The following ANO4 variants were observed in gnomAD, a reference collection of about 807,000 sequenced individuals.
ANO4 encodes the protein anoctamin 4, also known as anoctamin-4.
A neutral mutation model predicts 141.9 loss-of-function variants in ANO4; 69 were observed. The observed-to-expected ratio is 0.49, with a 90% CI of 0.40 to 0.59. The LOEUF (loss-of-function observed/expected upper bound fraction) is 0.59, where lower values mean the gene tolerates loss of function less well. Among genes scored for constraint, ANO4 ranks in the 20% least tolerant of loss-of-function variants. ANO4 has a pLI of 0.00. For synonymous variants in ANO4, 350 were observed against 394.3 expected (o/e 0.89, Z 1.33); for missense variants, 894 against 1,162.2 (o/e 0.77, Z 3.36).
intron 3 of ANO4, among the ~76,000 whole-genome samples, chr12:100,750,821 C>G (rs1205059705): frequency 6.6e-6 from 1 of 152,166 alleles, no homozygotes; most frequent in Non-Finnish European, 1.5e-5. Flanking sequence ...AACCATGGTA[C>G]TGACTCAAGA....
rs1355546292 is a variant in ANO4, at chr12:100,819,045, A to ATG, written c.-141+24022_-141+24023dup. The stretch of plus-strand genomic sequence containing the variant: ...TATATATGTATGTGTGTATATATAT[A>ATG]TGTGTATATATATATGTATGTGTGT... On this transcript the variant is annotated intron_variant, in intron 1 of 27. Transcript: ENST00000392977. Among the ~76,000 whole-genome samples the ATG allele has an allele frequency of 7.5e-5, 11 of 146,798 alleles. No individual in the cohort carries two copies. In the East Asian group the frequency reaches 1.0e-3, roughly 13 times the overall value.
At chr12:100,838,671 TAA>T (rs940849523) in intron 1 of ANO4, among the ~76,000 whole-genome samples, 3 of 152,132 alleles carry the variant, frequency 2.0e-5, no homozygotes, top group Admixed American at 1.3e-4. Context: ...GTTTCATAAA[TAA>T]AGTGAGGTCA....
chr12:100,785,643 T>G (rs1000857660), intron 3 of ANO4, among the ~76,000 whole-genome samples: 1 of 152,222 alleles, frequency 6.6e-6, no homozygotes, highest in African/African-American at 2.4e-5. Context: ...TTTTCATTCC[T>G]CTACAGAAGG....
chr12:100,948,749 T>C (rs889297609), intron 5 of ANO4, among the ~76,000 whole-genome samples: 2 of 152,222 alleles, frequency 1.3e-5, no homozygotes, highest in African/African-American at 4.8e-5. Flanking sequence ...CTCTAAAGTC[T>C]GTGATGCCTG....
intron 22 of ANO4, among the ~76,000 whole-genome samples, chr12:101,101,561 C>T (rs1019793730): frequency 6.6e-6 from 1 of 151,976 alleles, no homozygotes; most frequent in South Asian, 2.1e-4. Context: ...CACACAGACC[C>T]CTATACCACC....
intron 8 of ANO4, among the ~76,000 whole-genome samples, chr12:101,001,193 G>A (rs1849927): frequency 0.023 from 3,549 of 152,222 alleles, 131 homozygotes; most frequent in African/African-American, 0.081. Context: ...TCAAATTTAC[G>A]TACAGTAAAA....
At chr12:100,915,825 G>A (rs1488674407) in intron 2 of ANO4, among the ~76,000 whole-genome samples, 1 of 152,080 alleles carries the variant, frequency 6.6e-6, no homozygotes, top group South Asian at 2.1e-4. Context: ...ATGAGTCAAG[G>A]TCACATAAAA....
intron 1 of ANO4, among the ~76,000 whole-genome samples, chr12:100,876,618 G>T (rs2039320917): frequency 6.6e-6 from 1 of 152,200 alleles, no homozygotes; most frequent in Admixed American, 6.5e-5. Context: ...GACAATGGAG[G>T]ACATGTGGAG....
intron 2 of ANO4, among the ~76,000 whole-genome samples, chr12:100,906,727 G>A (rs559824362): frequency 2.0e-5 from 3 of 152,110 alleles, no homozygotes; most frequent in Non-Finnish European, 4.4e-5. Context: ...AAAGATAAAG[G>A]GTAGAAGATG....
In ANO4 at chr12:101,092,468, G is replaced by A. The variant is rs370306120; in HGVS notation, c.1702-1788G>A. On this transcript the variant is annotated intron_variant, in intron 17 of 27. Coordinates refer to ENST00000392977, the MANE Select transcript of ANO4 (RefSeq NM_001286615.2). ...ACTTCCCGTGGTTTATCTCTCAACC[G>A]TCTAATGAGAAATCAGACATTTTTC... Among the ~76,000 whole-genome samples the A allele has an allele frequency of 1.2e-3, 187 of 152,260 alleles. 2 individuals are homozygous for A. The highest frequency in any genetic ancestry group is 8.3e-3 in the South Asian group (40 of 4,822).
At chr12:100,906,316 T>A (rs976052602) in intron 2 of ANO4, among the ~76,000 whole-genome samples, 1 of 152,164 alleles carries the variant, frequency 6.6e-6, no homozygotes, top group Non-Finnish European at 1.5e-5. Flanking sequence ...AGTGAAAAGT[T>A]GGTAAGATCA....
At chr12:100,884,316 AG>A (rs146186075) in intron 1 of ANO4, among the ~76,000 whole-genome samples, 1,568 of 152,308 alleles carry the variant, frequency 0.01, 30 homozygotes, top group African/African-American at 0.035. Flanking sequence ...TGGTCAGTTA[AG>A]GAAATTAAAT....
At chr12:101,086,964 GGCATGAAGAT>G in intron 17 of ANO4, 140 bp downstream of exon 17, 1 of 996,006 alleles carries the variant, frequency 1.0e-6, no homozygotes, top group Non-Finnish European at 1.4e-6. Flanking sequence ...CGAAGTGCCT[GGCATGAAGAT>G]GCACTTGGGT....
chr12:100,772,627 G>A (rs941780767), intron 3 of ANO4, among the ~76,000 whole-genome samples: 1 of 152,170 alleles, frequency 6.6e-6, no homozygotes, highest in Non-Finnish European at 1.5e-5. Flanking sequence ...TCCCTTTGGA[G>A]CCTGACGCAG....
At chr12:100,947,971 C>T (rs2042796235) in intron 5 of ANO4, among the ~76,000 whole-genome samples, 1 of 151,750 alleles carries the variant, frequency 6.6e-6, no homozygotes, top group South Asian at 2.1e-4. Flanking sequence ...ATCACGAGGT[C>T]AGGAGATTGA....
chr12:100,774,271 T>A (rs1169311215), intron 3 of ANO4, among the ~76,000 whole-genome samples: 1 of 152,188 alleles, frequency 6.6e-6, no homozygotes, highest in Admixed American at 6.5e-5. Context: ...AACTCTATGG[T>A]CTATTTTAAT....
At chr12:100,794,447 G>C (rs900327980), upstream of ANO4, 2 of 152,208 alleles carry the variant, frequency 1.3e-5, no homozygotes, top group Non-Finnish European at 2.9e-5. Flanking sequence ...GCAGTGGAGA[G>C]GATAAGTTGC....
chr12:100,758,359 T>G (rs986012829), intron 3 of ANO4, among the ~76,000 whole-genome samples: 1 of 152,158 alleles, frequency 6.6e-6, no homozygotes, highest in Non-Finnish European at 1.5e-5. Context: ...CAGATGACAC[T>G]CCAATCTTCC....
chr12:101,043,758 C>T (rs1002560426), intron 13 of ANO4, 123 bp downstream of exon 13: 1 of 685,834 alleles, frequency 1.5e-6, no homozygotes, highest in Non-Finnish European at 2.5e-6. Flanking sequence ...GTAGGATAGA[C>T]TTATCTCCAT....
Sources: allele counts gnomAD v4.1 joint callset (sites outside exome capture counted in the v4.1 genomes callset), GRCh38; gene constraint gnomAD v4.1.1; transcripts MANE v1.5; gene names NCBI Gene and HGNC (gene_info 2026-07-23, HGNC 2026-07-21).